The following UNC13D variants were observed in gnomAD, a reference collection of about 807,000 sequenced individuals.
UNC13D encodes the protein protein unc-13 homolog D.
UNC13D carries 115 observed loss-of-function variants against 151.7 expected under a neutral mutation model. That is an observed-to-expected ratio of 0.76 (90% confidence interval 0.65 to 0.88). UNC13D has a LOEUF of 0.88. Among genes scored for constraint, UNC13D ranks in the 40% least tolerant of loss-of-function variants. The probability of loss-of-function intolerance (pLI) is 0.00; values close to 1 mark genes in which losing one functional copy is unlikely to be tolerated. For synonymous variants in UNC13D, 588 were observed against 612.2 expected (o/e 0.96, Z 0.58); for missense variants, 1,369 against 1,438.7 (o/e 0.95, Z 0.78).
In UNC13D at chr17:75,832,336, C is replaced by A; in HGVS notation, c.2447+630G>T. 1 of 152,840 alleles carries A rather than the reference C, an allele frequency of 6.5e-6. No individual in the cohort carries two copies. The allele number at this position is 152,840 out of a possible 1,614,324, so 9.5% of individuals were successfully genotyped here. ...TGTACTGACACCACGCTCAGCACCT[C>A]ACATGACCCATTTAATCCTCAACAG... On this transcript the variant is annotated intron_variant, in intron 25 of 31. Transcript: ENST00000207549. This position sits in a 1 kb window ranked among gnomAD's most constrained non-coding sequence, Gnocchi z 4.3.
intron 12 of UNC13D, 138 bp from the exon 13 acceptor site, chr17:75,837,056 ATTGTTTTTGTTTTGTG>A: frequency 1.4e-6 from 1 of 709,490 alleles, no homozygotes; most frequent in East Asian, 2.7e-5. Context: ...GACATGCAGG[ATTGTTTTTGTTTTGTG>A]TTTTTTTTTT....
chr17:75,843,866 G>A (rs1050780208), intron 1 of UNC13D: 16 of 1,369,010 alleles, frequency 1.2e-5, no homozygotes, highest in South Asian at 6.2e-5. Context: ...GGGGTGCCAC[G>A]TCGGCCTGGG....
chr17:75,844,004 T>A, intron 1 of UNC13D: 1 of 1,422,572 alleles, frequency 7.0e-7, no homozygotes, highest in Non-Finnish European at 9.2e-7. Flanking sequence ...TCTGAGAGCC[T>A]CAGACCACAG....
chr17:75,836,498 C>G, intron 14 of UNC13D, 69 bp from the exon 15 acceptor site: 1 of 1,612,550 alleles, frequency 6.2e-7, no homozygotes, highest in South Asian at 1.1e-5. Flanking sequence ...TCCAACAATT[C>G]TCCCACTCCT....
chr17:75,828,647 G>A lies in UNC13D; in HGVS notation c.3151+140C>T, dbSNP rs1008190176. ...AGTTCACTGGTCTCTTGATTAGACC[G>A]AGAGATGGGCCGTGGCTGTCCCACT... On this transcript the variant is annotated intron_variant, in intron 31 of 31. Transcript: ENST00000207549. The A allele has an allele frequency of 5.6e-5, 53 of 954,672 alleles. No homozygotes were observed. The Middle Eastern group carries it at 1.0e-3, about 19-fold the overall frequency. The allele number at this position is 954,672 out of a possible 1,614,324, so 59.1% of individuals were successfully genotyped here. A position where few individuals can be genotyped will look rare whatever the true frequency, so the allele number is the denominator to read the frequency against.
At chr17:75,841,935 G>C (rs2064952661) in intron 6 of UNC13D, among the ~76,000 whole-genome samples, 1 of 151,912 alleles carries the variant, frequency 6.6e-6, no homozygotes, top group African/African-American at 2.4e-5. Context: ...TTTTAGTAGA[G>C]ACGGGGTTTC....
In UNC13D at chr17:75,840,983, G is replaced by A. The variant is rs755016891; in HGVS notation, c.588C>T (p.Thr196=). ...ETFILEFEDI[T]NASFHLDMWD... ...ACATGTCCAGATGAAAGCTCGCATT[G>A]GTGATGTCCTCAAACTCCCTGTATG... The change falls in exon 7 of 32, where the codon ACC becomes ACT. Residue 196 remains threonine (T), a synonymous_variant. Coordinates refer to ENST00000207549, the MANE Select transcript of UNC13D (RefSeq NM_199242.3). The surrounding 1 kb of genome is among the most constrained non-coding windows in gnomAD (Gnocchi z 4.6). The A allele has an allele frequency of 6.2e-7, 1 of 1,613,976 alleles. No homozygotes were observed. The highest frequency in any genetic ancestry group is 8.5e-7 in the Non-Finnish European group (1 of 1,180,014).
rs1206311955 is a variant in UNC13D, at chr17:75,832,829, G to A, written c.2447+137C>T. 4 of 760,568 alleles carry A rather than the reference G, an allele frequency of 5.3e-6. No homozygotes were observed. The highest frequency in any genetic ancestry group is 3.5e-5 in the African/African-American group (2 of 57,490). 47.1% of individuals were successfully genotyped at this position (760,568 alleles called of 1,614,324 possible). On this transcript the variant is annotated intron_variant, in intron 25 of 31. Transcript: ENST00000207549. The surrounding 1 kb of genome is among the most constrained non-coding windows in gnomAD (Gnocchi z 4.3). ...GCCCAGGAAAGAGGGGCCGTGGGAG[G>A]AGAGGGGGAGGTGGCGAGCGCGCCC...
In UNC13D at chr17:75,830,166, G is replaced by A. The variant is rs2143864252; in HGVS notation, c.2831-15C>T. The stretch of plus-strand genomic sequence containing the variant: ...GTCGCTGGAGCCTGGTAAGTGGCCG[G>A]GGAGTGTGCGTCAGCTGAGGGTCTC... On this transcript the variant is annotated splice_polypyrimidine_tract_variant and intron_variant, in intron 29 of 31. Transcript: ENST00000207549. 1 of 1,585,110 alleles carries A rather than the reference G, an allele frequency of 6.3e-7. No homozygotes were observed. Among genetic ancestry groups the A allele is most frequent in the Non-Finnish European group, 8.6e-7 (1 of 1,166,306 alleles).
chr17:75,836,278 G>A, intron 15 of UNC13D, 22 bp from the exon 16 acceptor site: 2 of 1,613,004 alleles, frequency 1.2e-6, no homozygotes, highest in Non-Finnish European at 1.7e-6. Context: ...GAGGCAGTGA[G>A]CAGGGAGGGA....
At position 75,842,414 on chromosome 17, in the gene UNC13D, C is replaced by T. The variant is rs61753875; in HGVS notation, c.569+19G>A. 1,119 of 1,603,964 alleles carry T rather than the reference C, an allele frequency of 7.0e-4. 7 individuals are homozygous for T. The African/African-American group carries it at 0.011, about 16-fold the overall frequency. ...AGGAAAGACCTGGATAGAGTGGGGGCTGGAGCACGGCCACGTACAGGATGA... is the reference window on the plus strand; with the variant it reads ...AGGAAAGACCTGGATAGAGTGGGGGTTGGAGCACGGCCACGTACAGGATGA... On this transcript the variant is annotated intron_variant, in intron 6 of 31. Transcript: ENST00000207549.
At chr17:75,830,757 C>G in intron 27 of UNC13D, 96 bp from the exon 28 acceptor site, 2 of 1,416,544 alleles carry the variant, frequency 1.4e-6, no homozygotes, top group South Asian at 2.5e-5. Context: ...GTAACATGTC[C>G]GTTTGAAATG....
chr17:75,838,025 C>A (rs898084879), intron 12 of UNC13D, among the ~76,000 whole-genome samples: 1 of 152,218 alleles, frequency 6.6e-6, no homozygotes. Context: ...AGTCTCCAGC[C>A]GCACCACCAT....
At position 75,844,308 on chromosome 17, in the gene UNC13D, C is replaced by G. The variant is rs1316667053; in HGVS notation, c.30G>C (p.Gln10His). The change falls in exon 1 of 32, where the codon CAG becomes CAC. Residue 10 changes from glutamine to histidine, a missense_variant. By Grantham distance (24) the Gln-to-His change is conservative (BLOSUM62 0). This residue lies in a region of UNC13D where 550 missense variants were observed against 609.0 expected (regional missense o/e 0.90). Transcript: ENST00000207549. The stretch of plus-strand genomic sequence containing the variant: ...TGGCCTGGCGCAAGAAGGGAGGGCG[C>G]TGCTGCGGATGGGAGAGGAGTGTCG... MATLLSHPQ[Q>H]RPPFLRQAIK... 9.3e-6 allele frequency: 15 copies of G among 1,612,522 alleles called. No homozygotes were observed. The East Asian group carries it at 3.1e-4, about 34-fold the overall frequency.
chr17:75,839,655 G>GAGCCACCGCATC (rs1415854470), intron 12 of UNC13D, among the ~76,000 whole-genome samples, 184 bp downstream of exon 12: 2 of 152,148 alleles, frequency 1.3e-5, no homozygotes, highest in Middle Eastern at 3.2e-3. Context: ...TTACAGGAGT[G>GAGCCACCGCATC]AGCCACCGCA....
chr17:75,843,360 G>A, intron 2 of UNC13D, 94 bp from the exon 3 acceptor site: 3 of 1,571,244 alleles, frequency 1.9e-6, no homozygotes, highest in Non-Finnish European at 2.6e-6. Context: ...TTGTGCAGCG[G>A]AGGGAGTTGA....
At chr17:75,843,840 G>A (rs912956209) in intron 1 of UNC13D, 13 of 1,372,508 alleles carry the variant, frequency 9.5e-6, no homozygotes, top group Non-Finnish European at 1.0e-5. Context: ...AGTGAGGCTC[G>A]GCAGCGGAGG....
At position 75,833,045 on chromosome 17, in the gene UNC13D, C is replaced by G. The variant is rs865794224; in HGVS notation, c.2368G>C (p.Ala790Pro). 15 of 1,604,110 alleles carry G rather than the reference C, an allele frequency of 9.4e-6. 1 individual carries two copies. In the Middle Eastern group the frequency reaches 2.7e-3, roughly 284 times the overall value. Reference protein sequence around the residue: ...GVRESVLPEDAILPLMKFLEV... With the variant: ...GVRESVLPEDPILPLMKFLEV... ...AGGAACTTCATCAGGGGCAGAATGG[C>G]CTGGGGAGGGAGATGGGGAGCAGGT... The change falls in exon 25 of 32, where the codon GCC becomes CCC. Residue 790 changes from alanine to proline, a missense_variant and splice_region_variant. Around this residue, in one of 3 missense-constraint regions of UNC13D, gnomAD observed 807 missense variants for 795.5 expected, o/e 1.01. Coordinates refer to ENST00000207549, the MANE Select transcript of UNC13D (RefSeq NM_199242.3). The surrounding 1 kb of genome is among the most constrained non-coding windows in gnomAD (Gnocchi z 4.0).
intron 12 of UNC13D, among the ~76,000 whole-genome samples, chr17:75,839,493 T>C (rs916915923): frequency 6.6e-6 from 1 of 152,016 alleles, no homozygotes; most frequent in Non-Finnish European, 1.5e-5. Context: ...GGATGGTATG[T>C]CAAATCTCCA....
Sources: allele counts gnomAD v4.1 joint callset (sites outside exome capture counted in the v4.1 genomes callset), GRCh38; gene constraint gnomAD v4.1.1; regional missense constraint gnomAD v4.1.1; non-coding constraint Gnocchi (gnomAD v3.1); transcripts MANE v1.5; gene names NCBI Gene and HGNC (gene_info 2026-07-23, HGNC 2026-07-21).